Variants in TMC5 observed in about 807,000 individuals in gnomAD.
The protein encoded by TMC5 is transmembrane channel-like protein 5.
Under a neutral mutation model 110.5 loss-of-function variants are expected in TMC5, and 86 were observed. That is an observed-to-expected ratio of 0.78 (90% confidence interval 0.65 to 0.93). TMC5 has a LOEUF of 0.93. Ranked by LOEUF, TMC5 falls within the 40% of genes least tolerant of loss-of-function variation. TMC5 has a pLI of 0.00. For missense variants in TMC5, 1,144 were observed against 1,222.8 expected (o/e 0.94, Z 0.96); for synonymous variants, 455 against 439.5 (o/e 1.04, Z -0.44).
intron 6 of TMC5, chr16:19,462,679 C>T (rs956400828): frequency 1.8e-6 from 1 of 565,800 alleles, no homozygotes; most frequent in African/African-American, 1.9e-5. Context: ...GCAGGTGGAT[C>T]ACCTGAGGTC....
At chr16:19,450,367 G>A (rs1273239017) in intron 5 of TMC5, among the ~76,000 whole-genome samples, 1 of 152,154 alleles carries the variant, frequency 6.6e-6, no homozygotes, top group Non-Finnish European at 1.5e-5. Flanking sequence ...GGTATTTTAG[G>A]GATATTTGTT....
chr16:19,490,575 G>A lies in TMC5; in HGVS notation c.2747+7G>A, dbSNP rs779501198. The A allele has an allele frequency of 8.7e-6, 14 of 1,613,954 alleles. No homozygotes were observed. Among genetic ancestry groups the A allele is most frequent in the Non-Finnish European group, 1.2e-5 (14 of 1,179,998 alleles). On this transcript the variant is annotated splice_region_variant and intron_variant, in intron 18 of 21. Coordinates refer to ENST00000542583, the MANE Select transcript of TMC5 (RefSeq NM_001261841.2). ...TCCTCACCCTCATTGTGCTGTGAGT[G>A]TGGTACCCGGGGAATCTAGCAGGGA...
upstream of TMC5, among the ~76,000 whole-genome samples, chr16:19,414,416 ACCCTCTGGTGATAACTGCTGC>A (rs1966866881): frequency 6.6e-6 from 1 of 152,046 alleles, no homozygotes; most frequent in South Asian, 2.1e-4. Context: ...CTGCTAATTC[ACCCTCTGGTGATAACTGCTGC>A]TTGGAGTTTC....
intron 14 of TMC5, 150 bp from the exon 15 acceptor site, chr16:19,481,220 T>C (rs1269810933): frequency 2.2e-5 from 14 of 624,524 alleles, no homozygotes; most frequent in Non-Finnish European, 3.5e-5. Flanking sequence ...AACATGCTTA[T>C]AGATTTAGAA....
At chr16:19,460,569 G>A (rs368208516) in intron 6 of TMC5, among the ~76,000 whole-genome samples, 30 of 152,246 alleles carry the variant, frequency 2.0e-4, no homozygotes, top group Middle Eastern at 6.8e-3. Flanking sequence ...CCAAAGAGTA[G>A]GGCGTGGAAG....
intron 6 of TMC5, among the ~76,000 whole-genome samples, chr16:19,462,942 T>C (rs567984076): frequency 2.6e-5 from 4 of 151,230 alleles, no homozygotes; most frequent in Admixed American, 6.6e-5. Context: ...TGAGGTCTCG[T>C]TCAGTTGCCC....
At chr16:19,420,889 T>A (rs950111469) in intron 1 of TMC5, among the ~76,000 whole-genome samples, 5 of 152,196 alleles carry the variant, frequency 3.3e-5, no homozygotes, top group African/African-American at 1.2e-4. Context: ...AGCAAAATAG[T>A]GGCTTTCCAA....
intron 13 of TMC5, among the ~76,000 whole-genome samples, chr16:19,479,048 C>G (rs1352320993): frequency 6.6e-6 from 1 of 152,104 alleles, no homozygotes; most frequent in African/African-American, 2.4e-5. Context: ...GGTAAATAAG[C>G]AAAAAGAGTG....
intron 3 of TMC5, 93 bp from the exon 4 acceptor site, chr16:19,443,988 C>T: frequency 8.2e-7 from 1 of 1,212,342 alleles, no homozygotes; most frequent in Admixed American, 2.2e-5. Context: ...TGGATGAATA[C>T]ATGATTGAAT....
chr16:19,486,990 T>C lies in TMC5; in HGVS notation c.2409T>C (p.Ile803=), dbSNP rs145254962. ...FCPLLPFIQM[I]MLFIMFYSKN... ...CCCTGCTGCCCTTTATCCAAATGATTATGCTTTTCATCATGTTCTACTCCA... is the reference window on the plus strand; with the variant it reads ...CCCTGCTGCCCTTTATCCAAATGATCATGCTTTTCATCATGTTCTACTCCA... Residue 803 remains isoleucine, a synonymous_variant, in exon 16 of 22, where the codon ATT becomes ATC. Coordinates refer to ENST00000542583, the MANE Select transcript of TMC5 (RefSeq NM_001261841.2). 31 of 1,614,122 alleles carry C rather than the reference T, an allele frequency of 1.9e-5. No individual in the cohort carries two copies. In the African/African-American group the frequency reaches 4.0e-4, roughly 21 times the overall value.
intron 2 of TMC5, among the ~76,000 whole-genome samples, chr16:19,438,696 G>A (rs1433794043): frequency 2.0e-5 from 3 of 152,074 alleles, no homozygotes; most frequent in South Asian, 2.1e-4. Flanking sequence ...GCAGTGGGCC[G>A]AGATTGCACC....
intron 4 of TMC5, among the ~76,000 whole-genome samples, chr16:19,445,198 T>C (rs1316448856): frequency 6.6e-6 from 1 of 151,584 alleles, no homozygotes; most frequent in Non-Finnish European, 1.5e-5. Flanking sequence ...CATGTTGTCC[T>C]CATAATTTGT....
Position 19,440,019 on chromosome 16 carries a change from G to T in TMC5, c.-20G>T, listed in dbSNP as rs533587466. On this transcript the variant is annotated 5_prime_UTR_variant, in exon 3 of 22. Coordinates refer to ENST00000542583, the MANE Select transcript of TMC5 (RefSeq NM_001261841.2). ...ATGCTGGGACAGTTTACCACTCCAG[G>T]GTGAAGAGTCCATACCAACATGTCT... The T allele has an allele frequency of 2.5e-6, 4 of 1,594,668 alleles. No individual in the cohort carries two copies. The highest frequency in any genetic ancestry group is 3.4e-6 in the Non-Finnish European group (4 of 1,167,282).
At chr16:19,439,257 A>T (rs1193311184) in intron 2 of TMC5, among the ~76,000 whole-genome samples, 3 of 152,214 alleles carry the variant, frequency 2.0e-5, no homozygotes, top group South Asian at 2.1e-4. Context: ...ATAAAATCTT[A>T]TTTTCAAACT....
At chr16:19,496,011 G>T (rs1969043074) in intron 20 of TMC5, among the ~76,000 whole-genome samples, 1 of 151,816 alleles carries the variant, frequency 6.6e-6, no homozygotes, top group Non-Finnish European at 1.5e-5. Flanking sequence ...AGAAAACTTA[G>T]CTGGGTGTTG....
intron 1 of TMC5, among the ~76,000 whole-genome samples, chr16:19,412,398 T>C (rs7190778): frequency 0.83 from 125,814 of 150,698 alleles, 52,578 homozygotes; most frequent in African/African-American, 0.9. Flanking sequence ...GACAGTCTCG[T>C]TCTGTTGCCC....
chr16:19,443,952 G>A, intron 3 of TMC5, 129 bp from the exon 4 acceptor site: 1 of 912,436 alleles, frequency 1.1e-6, no homozygotes, highest in Non-Finnish European at 1.7e-6. Flanking sequence ...TGGATGGATG[G>A]ATGGATAAAT....
chr16:19,429,280 A>C (rs1470093431), intron 1 of TMC5, among the ~76,000 whole-genome samples: 1 of 152,184 alleles, frequency 6.6e-6, no homozygotes, highest in Non-Finnish European at 1.5e-5. Flanking sequence ...CATGGATCTC[A>C]ATACTAACAA....
At chr16:19,497,871 T>C (rs747963002) in intron 21 of TMC5, 49 bp from the exon 22 acceptor site, 19 of 1,577,888 alleles carry the variant, frequency 1.2e-5, no homozygotes, top group Admixed American at 6.9e-5. Context: ...CTTGTAGAGA[T>C]GGGGCAGAGT....
Sources: gnomAD v4.1 joint callset for allele counts (sites outside exome capture counted in the v4.1 genomes callset) on GRCh38, gnomAD v4.1.1 for gene constraint, MANE v1.5 for transcripts, NCBI Gene and HGNC (gene_info 2026-07-23, HGNC 2026-07-21) for gene names.